The following RIMS2 variants were observed in gnomAD, a reference collection of about 807,000 sequenced individuals.
RIMS2 encodes the protein regulating synaptic membrane exocytosis protein 2.
In RIMS2, 59 loss-of-function variants were observed where a neutral mutation model predicts 174.4. The ratio of observed to expected loss-of-function variants is 0.34; its 90% CI spans 0.27 to 0.42. The LOEUF is 0.42. Ranked by LOEUF, RIMS2 falls within the 10% of genes least tolerant of loss-of-function variation. RIMS2 has a pLI of 1.00. For missense variants in RIMS2, 1,620 were observed against 1,666.3 expected (o/e 0.97, Z 0.48); for synonymous variants, 606 against 572.5 (o/e 1.06, Z -0.84).
chr8:103,770,853 G>A (rs1426690424), intron 3 of RIMS2, among the ~76,000 whole-genome samples: 4 of 152,088 alleles, frequency 2.6e-5, no homozygotes, highest in Non-Finnish European at 5.9e-5. Flanking sequence ...GGAAATGGAG[G>A]TAATGCTAGA....
intron 1 of RIMS2, among the ~76,000 whole-genome samples, chr8:103,562,058 C>T (rs576749890): frequency 2.7e-4 from 41 of 152,262 alleles, no homozygotes; most frequent in Non-Finnish European, 5.4e-4. Flanking sequence ...CCACTGAATC[C>T]CTCCCACAAC....
At chr8:103,766,999 G>A (rs1269512012) in intron 3 of RIMS2, among the ~76,000 whole-genome samples, 5 of 152,122 alleles carry the variant, frequency 3.3e-5, no homozygotes, top group South Asian at 2.1e-4. Context: ...ATGCAGATCC[G>A]ACATCAGGTT....
intron 17 of RIMS2, among the ~76,000 whole-genome samples, chr8:104,006,301 G>A (rs538799076): frequency 6.6e-5 from 10 of 152,190 alleles, no homozygotes; most frequent in Admixed American, 5.9e-4. Flanking sequence ...TGTAATCCCA[G>A]CACTTTGGGA....
At chr8:103,552,539 G>T (rs1386830842) in intron 1 of RIMS2, among the ~76,000 whole-genome samples, 1 of 152,192 alleles carries the variant, frequency 6.6e-6, no homozygotes, top group Non-Finnish European at 1.5e-5. Flanking sequence ...ATAAGCATGG[G>T]CAAGGACTTC....
rs71297237 is a variant in RIMS2 at position 103,782,433 on chromosome 8, CGTGTGT to C, written c.698+15925_698+15930del. On this transcript the variant is annotated intron_variant, in intron 3 of 23. Coordinates refer to ENST00000504942, the Ensembl canonical transcript of RIMS2. ...AAATGCTATCATGATACATAAATCC[CGTGTGT>C]GTGTGTGTGTGTGTGTGTGTGTGTG... Among the ~76,000 whole-genome samples, 146 of 145,824 alleles carry C rather than the reference CGTGTGT, an allele frequency of 1.0e-3. 1 individual carries two copies. The highest frequency in any genetic ancestry group is 3.3e-3 in the African/African-American group (129 of 39,640).
At chr8:103,914,971 T>A (rs1404509781) in intron 6 of RIMS2, among the ~76,000 whole-genome samples, 1 of 152,132 alleles carries the variant, frequency 6.6e-6, no homozygotes, top group African/African-American at 2.4e-5. Flanking sequence ...ATGGTCTGAA[T>A]TTTATGTTAC....
intron 21 of RIMS2, 38 bp downstream of exon 27, chr8:104,248,851 T>C: frequency 9.4e-7 from 1 of 1,064,774 alleles, no homozygotes; most frequent in East Asian, 2.4e-5. Flanking sequence ...TATTTTGTTT[T>C]AGATTGTTGA....
intron 19 of RIMS2, among the ~76,000 whole-genome samples, chr8:104,153,561 G>C (rs989543468): frequency 4.6e-5 from 7 of 152,278 alleles, no homozygotes; most frequent in Non-Finnish European, 8.8e-5. Flanking sequence ...TCTAAGTACA[G>C]TTATTACATG....
At chr8:103,711,223 G>A (rs1191605126) in intron 2 of RIMS2, among the ~76,000 whole-genome samples, 2 of 152,150 alleles carry the variant, frequency 1.3e-5, no homozygotes, top group Admixed American at 1.3e-4. Context: ...TTGGCTCAGG[G>A]TGTAGAAATC....
chr8:103,603,016 C>CT (rs1228529070), intron 1 of RIMS2, among the ~76,000 whole-genome samples: 2 of 151,492 alleles, frequency 1.3e-5, no homozygotes, highest in South Asian at 2.1e-4. Context: ...TTTTATTATA[C>CT]TTTAAGTTTT....
chr8:103,640,101 C>A (rs1025571181), intron 1 of RIMS2, among the ~76,000 whole-genome samples: 1 of 151,758 alleles, frequency 6.6e-6, no homozygotes, highest in Non-Finnish European at 1.5e-5. Context: ...TAGACATAGA[C>A]CTCTCCTTTT....
intron 19 of RIMS2, among the ~76,000 whole-genome samples, chr8:104,159,898 G>A (rs1355591271): frequency 6.6e-6 from 1 of 152,050 alleles, no homozygotes; most frequent in Non-Finnish European, 1.5e-5. Flanking sequence ...CAGCAATTTG[G>A]GAGGCCAAGG....
At chr8:103,657,130 C>T (rs533140939) in intron 1 of RIMS2, among the ~76,000 whole-genome samples, 7 of 152,238 alleles carry the variant, frequency 4.6e-5, no homozygotes, top group South Asian at 2.1e-4. Flanking sequence ...TTAGATTTTC[C>T]GCCTCACCTA....
At chr8:104,083,159 T>C (rs2097457485) in intron 19 of RIMS2, among the ~76,000 whole-genome samples, 1 of 152,186 alleles carries the variant, frequency 6.6e-6, no homozygotes, top group Non-Finnish European at 1.5e-5. Flanking sequence ...TCCCTGAATT[T>C]GATAGATCAG....
intron 3 of RIMS2, among the ~76,000 whole-genome samples, chr8:103,828,879 T>C (rs2098807738): frequency 6.6e-6 from 1 of 152,138 alleles, no homozygotes; most frequent in Non-Finnish European, 1.5e-5. Context: ...TGGTTGTAGT[T>C]GTGTGGCTTT....
chr8:103,531,408 A>G (rs939107464), intron 1 of RIMS2, among the ~76,000 whole-genome samples: 2 of 152,222 alleles, frequency 1.3e-5, no homozygotes, highest in African/African-American at 4.8e-5. Context: ...TAATCCAAAG[A>G]TTAAGGAAGA....
At chr8:103,524,189 G>A (rs937464143) in intron 1 of RIMS2, among the ~76,000 whole-genome samples, 5 of 151,948 alleles carry the variant, frequency 3.3e-5, no homozygotes, top group Non-Finnish European at 7.4e-5. Flanking sequence ...CGACATAGGT[G>A]TCATTGGTAT....
chr8:104,244,727 G>A (rs2099321226), intron 19 of RIMS2, among the ~76,000 whole-genome samples, 189 bp from the exon 26 acceptor site: 1 of 152,054 alleles, frequency 6.6e-6, no homozygotes, highest in South Asian at 2.1e-4. Flanking sequence ...AGATTTTTTA[G>A]AAAATCTTCA....
intron 1 of RIMS2, among the ~76,000 whole-genome samples, chr8:103,557,168 C>T (rs1006310847): frequency 8.5e-5 from 13 of 152,136 alleles, no homozygotes; most frequent in African/African-American, 2.2e-4. Context: ...TCTCAAAAAC[C>T]GATAGCTCAT....
Sources: gnomAD v4.1 joint callset for allele counts (sites outside exome capture counted in the v4.1 genomes callset) on GRCh38, gnomAD v4.1.1 for gene constraint, MANE v1.5 for transcripts, NCBI Gene and HGNC (gene_info 2026-07-23, HGNC 2026-07-21) for gene names.